Variants in SLC25A48 observed in about 807,000 individuals in gnomAD.
SLC25A48 encodes the protein solute carrier family 25 member 48, also known as CTC-321K16.1.
In SLC25A48, 29 loss-of-function variants were observed where a neutral mutation model predicts 32.2. The observed-to-expected ratio is 0.90, with a 90% CI of 0.67 to 1.23. The LOEUF (loss-of-function observed/expected upper bound fraction) is 1.23, where lower values mean the gene tolerates loss of function less well. SLC25A48 is among the 50% of genes most tolerant of loss of function. The probability of loss-of-function intolerance (pLI) is 0.00; values close to 1 mark genes in which losing one functional copy is unlikely to be tolerated. For missense variants in SLC25A48, 399 were observed against 422.7 expected (o/e 0.94, Z 0.49); for synonymous variants, 164 against 172.3 (o/e 0.95, Z 0.38).
intron 4 of SLC25A48, among the ~76,000 whole-genome samples, chr5:135,856,377 C>T (rs1760319989): frequency 1.3e-5 from 2 of 152,140 alleles, no homozygotes. Flanking sequence ...CCCTGTGTGA[C>T]CCCTCTGCCC....
intron 1 of SLC25A48, among the ~76,000 whole-genome samples, chr5:135,839,324 T>A (rs569718782): frequency 3.9e-5 from 6 of 152,162 alleles, no homozygotes; most frequent in Non-Finnish European, 7.4e-5. Flanking sequence ...ATATGAAACA[T>A]GGAACAAAGG....
chr5:135,869,802 G>T (rs1046280351), intron 4 of SLC25A48, among the ~76,000 whole-genome samples: 1 of 152,160 alleles, frequency 6.6e-6, no homozygotes, highest in African/African-American at 2.4e-5. Flanking sequence ...GCCCCCAAAG[G>T]TGGCTACTAC....
intron 6 of SLC25A48, chr5:135,875,014 C>T (rs958199194): frequency 1.1e-5 from 4 of 352,628 alleles, no homozygotes; most frequent in East Asian, 4.6e-5. Context: ...CCATGAAGGG[C>T]GGGGCATTTG....
chr5:135,795,493 G>A (rs913680697), intron 3 of SLC25A48, among the ~76,000 whole-genome samples: 8 of 151,726 alleles, frequency 5.3e-5, no homozygotes, highest in African/African-American at 1.9e-4. Context: ...CACCCCTCCT[G>A]TCATATTATT....
At chr5:135,769,774 G>C (rs1281076144) in intron 3 of SLC25A48, among the ~76,000 whole-genome samples, 1 of 151,404 alleles carries the variant, frequency 6.6e-6, no homozygotes, top group Non-Finnish European at 1.5e-5. Flanking sequence ...GATACTTTTT[G>C]TTAGATCCAG....
chr5:135,666,607 A>G (rs1753530583), intron 3 of SLC25A48, among the ~76,000 whole-genome samples: 1 of 151,946 alleles, frequency 6.6e-6, no homozygotes, highest in Non-Finnish European at 1.5e-5. Context: ...AGGCCCTAGG[A>G]AGATTTGGAA....
At chr5:135,711,985 G>A (rs1486001376) in intron 3 of SLC25A48, among the ~76,000 whole-genome samples, 1 of 151,364 alleles carries the variant, frequency 6.6e-6, no homozygotes, top group African/African-American at 2.4e-5. Flanking sequence ...TCCCTCTGAA[G>A]CACAGTTCTC....
intron 4 of SLC25A48, among the ~76,000 whole-genome samples, chr5:135,870,052 TGG>T (rs1761513076): frequency 6.6e-6 from 1 of 152,232 alleles, no homozygotes. Context: ...CTCTAGACTG[TGG>T]AGTCATGAAG....
At chr5:135,710,995 G>A (rs5027775) in intron 3 of SLC25A48, among the ~76,000 whole-genome samples, 107,361 of 152,002 alleles carry the variant, frequency 0.71, 38,278 homozygotes, top group Middle Eastern at 0.77. Context: ...ATATAAGTTG[G>A]ATGGTTACAT....
intron 3 of SLC25A48, among the ~76,000 whole-genome samples, chr5:135,741,841 C>G (rs1755507834): frequency 6.6e-6 from 1 of 152,134 alleles, no homozygotes; most frequent in Non-Finnish European, 1.5e-5. Context: ...GTTTGCACAT[C>G]CCTGGCTTCA....
chr5:135,874,720 A>G, intron 6 of SLC25A48: 1 of 702,280 alleles, frequency 1.4e-6, no homozygotes, highest in Non-Finnish European at 2.6e-6. Flanking sequence ...CTACAGCTCA[A>G]GAGCTTAACT....
rs184581534 is a variant in SLC25A48, at chr5:135,590,113, G to A, written c.-849+10516G>A. 6.1e-4 allele frequency among the ~76,000 whole-genome samples: 93 copies of A among 152,294 alleles called. 1 individual carries two copies. The East Asian group carries it at 0.017, about 28-fold the overall frequency. On this transcript the variant is annotated intron_variant, in intron 1 of 10. Coordinates refer to the SLC25A48 transcript ENST00000646290. Reference sequence around the variant, plus strand: ...ATTTCTGGTGGTGCCTGGGAATAGCGATTTGGGAAGTTCTTGTTCAGGGCT... The same window carrying A: ...ATTTCTGGTGGTGCCTGGGAATAGCAATTTGGGAAGTTCTTGTTCAGGGCT...
At chr5:135,612,321 T>C (rs1303145896) in intron 1 of SLC25A48, among the ~76,000 whole-genome samples, 1 of 150,798 alleles carries the variant, frequency 6.6e-6, no homozygotes, top group Non-Finnish European at 1.5e-5. Context: ...GCATAGAATG[T>C]ATAATGATCA....
At chr5:135,879,932 G>T in intron 6 of SLC25A48, 36 bp from the exon 7 acceptor site, 1 of 1,535,292 alleles carries the variant, frequency 6.5e-7, no homozygotes, top group Non-Finnish European at 8.7e-7. Context: ...GAGAGTGTGG[G>T]TCAGTCCCCT....
In SLC25A48 at chr5:135,628,656, T is replaced by A. The variant is rs549863774; in HGVS notation, c.-848-581T>A. ...GGATGGCAGTGTCTTCAGCAGTCTC[T>A]GTCTCTGAGCATGAGGAGACCTGTC... On this transcript the variant is annotated intron_variant, in intron 1 of 10. Coordinates refer to the SLC25A48 transcript ENST00000646290. Among the ~76,000 whole-genome samples the A allele has an allele frequency of 6.6e-5, 10 of 152,268 alleles. No homozygotes were observed. The East Asian group carries it at 1.9e-3, about 29-fold the overall frequency.
intron 3 of SLC25A48, among the ~76,000 whole-genome samples, chr5:135,737,362 C>G (rs1755399495): frequency 6.6e-6 from 1 of 152,158 alleles, no homozygotes; most frequent in Non-Finnish European, 1.5e-5. Flanking sequence ...GTAGTGTCAT[C>G]AGTTAAGGCA....
At chr5:135,742,954 ACCT>A (rs1755533008) in intron 3 of SLC25A48, among the ~76,000 whole-genome samples, 1 of 3,952 alleles carries the variant, frequency 2.5e-4, no homozygotes, top group Admixed American at 2.6e-3. Flanking sequence ...ATGTCTGGAG[ACCT>A]CCCCCTCCCC....
chr5:135,815,992 C>T (rs1158156802), intron 4 of SLC25A48, among the ~76,000 whole-genome samples: 1 of 152,228 alleles, frequency 6.6e-6, no homozygotes, highest in East Asian at 1.9e-4. Context: ...AATTGACTCA[C>T]AGTTCCATAT....
chr5:135,630,616 TTTTTTGAG>T (rs1752536551), intron 2 of SLC25A48, among the ~76,000 whole-genome samples: 2 of 117,102 alleles, frequency 1.7e-5, no homozygotes, highest in Non-Finnish European at 3.7e-5. Flanking sequence ...TTTTTTTTTT[TTTTTTGAG>T]AGAGTCATGC....
Sources: allele counts gnomAD v4.1 joint callset (sites outside exome capture counted in the v4.1 genomes callset), GRCh38; gene constraint gnomAD v4.1.1; transcripts MANE v1.5; gene names NCBI Gene and HGNC (gene_info 2026-07-23, HGNC 2026-07-21).